DIAPH2: variants seen among roughly 807,000 people sequenced by gnomAD.
The protein encoded by DIAPH2 is diaphanous related formin 2.
Under a neutral mutation model 92.7 loss-of-function variants are expected in DIAPH2, and 35 were observed. That is an observed-to-expected ratio of 0.38 (90% CI 0.29 to 0.50). The LOEUF (loss-of-function observed/expected upper bound fraction) is 0.50, where lower values mean the gene tolerates loss of function less well. DIAPH2 is among the 20% of genes least tolerant of loss of function. The pLI, the probability that DIAPH2 is intolerant of heterozygous loss-of-function variation, is 0.94. For synonymous variants in DIAPH2, 301 were observed against 280.4 expected, an observed-to-expected ratio of 1.07 and a Z score of -0.73; for missense variants, 701 against 819.5, an observed-to-expected ratio of 0.86 and a Z score of 1.77.
At chrX:96,755,695 C>T (rs1569385057) in intron 3 of DIAPH2, among the ~76,000 whole-genome samples, 1 of 99,388 alleles carries the variant, frequency 1.0e-5, no homozygotes, top group South Asian at 4.8e-4. Context: ...CTGTTCTTCG[C>T]CAATTAGTTT....
At chrX:97,467,452 G>A (rs2070523122) in intron 26 of DIAPH2, among the ~76,000 whole-genome samples, 1 of 111,599 alleles carries the variant, frequency 9.0e-6, no homozygotes, top group Non-Finnish European at 1.9e-5. Context: ...AAACAATGTA[G>A]AAGAATCCTC....
intron 22 of DIAPH2, among the ~76,000 whole-genome samples, chrX:97,231,268 A>T: frequency 1.2e-5 from 1 of 83,215 alleles, no homozygotes. Flanking sequence ...TGAGTAAATT[A>T]CTCTTGAAAG....
intron 17 of DIAPH2, among the ~76,000 whole-genome samples, chrX:97,042,029 A>G (rs2066451646): frequency 9.0e-6 from 1 of 111,646 alleles, no homozygotes. Context: ...CCTGGCTGCC[A>G]TGCCACCAGG....
chrX:97,124,564 T>C (rs915298877), intron 21 of DIAPH2, among the ~76,000 whole-genome samples: 1 of 112,491 alleles, frequency 8.9e-6, no homozygotes, highest in Non-Finnish European at 1.9e-5. Context: ...AGTTTGTAAA[T>C]GTAATTTGTC....
At chrX:97,256,905 C>T (rs747184991) in intron 23 of DIAPH2, among the ~76,000 whole-genome samples, 57 of 110,105 alleles carry the variant, frequency 5.2e-4, no homozygotes, top group African/African-American at 1.8e-3. Flanking sequence ...CCTTTTGATC[C>T]GCCTGCCTCA....
intron 4 of DIAPH2, among the ~76,000 whole-genome samples, chrX:96,881,205 ATATCT>A (rs1386254764): frequency 8.9e-6 from 1 of 111,740 alleles, no homozygotes. Context: ...TTGAATATAC[ATATCT>A]TAACTAGGAA....
At chrX:97,042,247 A>G (rs1333345382) in intron 17 of DIAPH2, among the ~76,000 whole-genome samples, 1 of 111,827 alleles carries the variant, frequency 8.9e-6, no homozygotes, top group Non-Finnish European at 1.9e-5. Context: ...TTCTTAGATG[A>G]ATTTGTTGAA....
chrX:96,786,839 T>C (rs2064459921), intron 4 of DIAPH2, among the ~76,000 whole-genome samples: 1 of 112,411 alleles, frequency 8.9e-6, no homozygotes, highest in African/African-American at 3.2e-5. Flanking sequence ...TAAATTTTCT[T>C]TTAATATTGC....
At chrX:97,222,544 A>G (rs779360940) in intron 22 of DIAPH2, among the ~76,000 whole-genome samples, 1 of 111,694 alleles carries the variant, frequency 9.0e-6, no homozygotes, top group African/African-American at 3.2e-5. Flanking sequence ...ATCCTGAATG[A>G]CAAAATGTGT....
chrX:97,514,560 C>A (rs7884424), intron 26 of DIAPH2, among the ~76,000 whole-genome samples: 36,027 of 106,582 alleles, frequency 0.34, 4,589 homozygotes, highest in East Asian at 0.54. Flanking sequence ...TGAGGAGCTG[C>A]GTTCCTTTGG....
At chrX:96,838,339 T>G (rs963921532) in intron 4 of DIAPH2, among the ~76,000 whole-genome samples, 2 of 111,940 alleles carry the variant, frequency 1.8e-5, no homozygotes, top group Non-Finnish European at 3.8e-5. Context: ...ATGTGGCCCC[T>G]GAGATAACTG....
In DIAPH2 at chrX:97,274,525, G is replaced by A. The variant is rs189046166; in HGVS notation, c.2844+26686G>A. On this transcript the variant is annotated intron_variant, in intron 23 of 26. Coordinates refer to ENST00000324765, the MANE Select transcript of DIAPH2 (RefSeq NM_006729.5). ...TCCATCTCAAAAAAAAAAAAGAAAAGAAACATAACTAAAAGTCATATATCT... is the reference window on the plus strand; with the variant it reads ...TCCATCTCAAAAAAAAAAAAGAAAAAAAACATAACTAAAAGTCATATATCT... Among the ~76,000 whole-genome samples, 815 of 106,952 alleles carry A rather than the reference G, an allele frequency of 7.6e-3. 9 individuals carry two copies. The highest frequency in any genetic ancestry group is 0.026 in the African/African-American group (782 of 29,547). 92.9% of individuals were successfully genotyped at this position (106,952 alleles called of 115,157 possible).
chrX:97,295,846 C>T (rs1189609709), intron 23 of DIAPH2, among the ~76,000 whole-genome samples: 3 of 109,304 alleles, frequency 2.7e-5, no homozygotes, highest in Non-Finnish European at 5.7e-5. Flanking sequence ...ATTCTCCTGC[C>T]TCAGCCTCCT....
chrX:96,748,640 T>C, intron 3 of DIAPH2, among the ~76,000 whole-genome samples: 1 of 111,826 alleles, frequency 8.9e-6, no homozygotes, highest in South Asian at 3.8e-4. Context: ...AAGGAGCTTA[T>C]GTTCTGGCAA....
At chrX:97,214,836 T>TAAAAAAAAA (rs368311868) in intron 22 of DIAPH2, among the ~76,000 whole-genome samples, 1 of 62,810 alleles carries the variant, frequency 1.6e-5, no homozygotes, top group African/African-American at 5.8e-5. Flanking sequence ...CGTCTCAAAT[T>TAAAAAAAAA]AAAAAAAAAA....
chrX:96,771,750 C>T (rs1477367282), intron 4 of DIAPH2, among the ~76,000 whole-genome samples: 1 of 111,188 alleles, frequency 9.0e-6, no homozygotes, highest in Non-Finnish European at 1.9e-5. Context: ...TAGAAGTTAC[C>T]TTAGGCTAGA....
At chrX:97,284,761 G>A (rs1366607931) in intron 23 of DIAPH2, among the ~76,000 whole-genome samples, 3 of 111,213 alleles carry the variant, frequency 2.7e-5, no homozygotes, top group African/African-American at 9.8e-5. Context: ...AATATTTGGA[G>A]TTAGAGAGAG....
intron 3 of DIAPH2, among the ~76,000 whole-genome samples, chrX:96,755,658 G>GTAAAA (rs1323266171): frequency 9.2e-6 from 1 of 108,140 alleles, no homozygotes; most frequent in African/African-American, 3.4e-5. Flanking sequence ...ATCTCAAAAA[G>GTAAAA]TAAAATAAAA....
At chrX:97,091,372 CTT>C (rs1256447318) in intron 19 of DIAPH2, among the ~76,000 whole-genome samples, 1 of 110,850 alleles carries the variant, frequency 9.0e-6, no homozygotes, top group Non-Finnish European at 1.9e-5. Flanking sequence ...CAGCATCAGT[CTT>C]CTGAGATCTT....
Sources: allele counts gnomAD v4.1 joint callset (sites outside exome capture counted in the v4.1 genomes callset), GRCh38; gene constraint gnomAD v4.1.1; transcripts MANE v1.5; gene names NCBI Gene and HGNC (gene_info 2026-07-23, HGNC 2026-07-21).